Variants in MMP16 observed in about 807,000 individuals in gnomAD.
The protein encoded by MMP16 is matrix metallopeptidase 16.
Under a neutral mutation model 67.8 loss-of-function variants are expected in MMP16, and 12 were observed. The ratio of observed to expected loss-of-function variants is 0.18; its 90% CI spans 0.11 to 0.29. The LOEUF is 0.29. Ranked by LOEUF, MMP16 falls within the 10% of genes least tolerant of loss-of-function variation. The pLI, the probability that MMP16 is intolerant of heterozygous loss-of-function variation, is 1.00. For synonymous variants in MMP16, 249 were observed against 255.9 expected, an observed-to-expected ratio of 0.97 and a Z score of 0.26; for missense variants, 475 against 765.7, an observed-to-expected ratio of 0.62 and a Z score of 4.48.
At chr8:88,252,639 C>G (rs1177548796) in intron 1 of MMP16, among the ~76,000 whole-genome samples, 1 of 75,476 alleles carries the variant, frequency 1.3e-5, no homozygotes, top group Non-Finnish European at 2.8e-5. Context: ...GGTTTTCCAC[C>G]TCTTAGCAAA....
chr8:88,288,535 C>A (rs528497624), intron 1 of MMP16, among the ~76,000 whole-genome samples: 1 of 152,216 alleles, frequency 6.6e-6, no homozygotes, highest in South Asian at 2.1e-4. Context: ...TGCTAAACAT[C>A]AACTGACCAG....
chr8:88,183,361 T>C (rs11997592), intron 3 of MMP16, among the ~76,000 whole-genome samples: 143,382 of 152,236 alleles, frequency 0.94, 68,122 homozygotes, highest in East Asian at 1. Context: ...ACTATCCGCT[T>C]AATTTTTCTG....
At chr8:88,253,637 C>T (rs1033090579) in intron 1 of MMP16, among the ~76,000 whole-genome samples, 10 of 151,716 alleles carry the variant, frequency 6.6e-5, no homozygotes, top group African/African-American at 1.9e-4. Context: ...CATTATGTTG[C>T]TTTGTACCTC....
intron 4 of MMP16, 144 bp from the exon 5 acceptor site, chr8:88,119,005 C>T: frequency 2.5e-6 from 2 of 794,288 alleles, no homozygotes; most frequent in Non-Finnish European, 3.9e-6. Flanking sequence ...TCATCACTGG[C>T]TTTCCTACTG....
intron 4 of MMP16, among the ~76,000 whole-genome samples, chr8:88,153,607 C>A (rs1460900827): frequency 1.3e-5 from 2 of 151,432 alleles, no homozygotes; most frequent in Admixed American, 6.6e-5. Context: ...GAAAAACAAG[C>A]AATGGGGAAA....
intron 1 of MMP16, among the ~76,000 whole-genome samples, chr8:88,273,248 C>T (rs796592402): frequency 0.019 from 2,452 of 132,312 alleles, 76 homozygotes; most frequent in African/African-American, 0.064. Flanking sequence ...CCATGCCTGG[C>T]TTTTTTTTTT....
chr8:88,274,971 T>G (rs1331368809), intron 1 of MMP16, among the ~76,000 whole-genome samples: 1 of 148,968 alleles, frequency 6.7e-6, no homozygotes, highest in Non-Finnish European at 1.5e-5. Context: ...AAACTCACAT[T>G]CATGCATCAT....
chr8:88,083,151 T>C (rs1472991083), intron 6 of MMP16, among the ~76,000 whole-genome samples: 5 of 152,088 alleles, frequency 3.3e-5, no homozygotes, highest in African/African-American at 9.6e-5. Flanking sequence ...TGTTAATTAA[T>C]GTTACATTTG....
chr8:88,083,270 G>A (rs1431665994), intron 6 of MMP16, among the ~76,000 whole-genome samples: 1 of 151,558 alleles, frequency 6.6e-6, no homozygotes, highest in African/African-American at 2.4e-5. Context: ...TAATTTTGTT[G>A]GCTCAAAAGA....
chr8:88,244,952 A>G (rs1810090248), intron 1 of MMP16, among the ~76,000 whole-genome samples: 1 of 152,164 alleles, frequency 6.6e-6, no homozygotes, highest in Non-Finnish European at 1.5e-5. Flanking sequence ...CCAGTGAAAC[A>G]TCTCTCAGCA....
intron 3 of MMP16, among the ~76,000 whole-genome samples, chr8:88,175,748 T>A (rs1363967760): frequency 6.6e-6 from 1 of 152,204 alleles, no homozygotes; most frequent in Non-Finnish European, 1.5e-5. Flanking sequence ...GAATTGTAGT[T>A]CCCGTAATCC....
At chr8:88,123,991 C>T (rs949024285) in intron 4 of MMP16, among the ~76,000 whole-genome samples, 20 of 151,922 alleles carry the variant, frequency 1.3e-4, no homozygotes, top group Non-Finnish European at 4.4e-5. Flanking sequence ...TCTCTAAATG[C>T]TTTTCCCCAA....
intron 1 of MMP16, among the ~76,000 whole-genome samples, chr8:88,318,507 G>A (rs998205536): frequency 1.3e-5 from 2 of 152,124 alleles, no homozygotes; most frequent in South Asian, 2.1e-4. Context: ...AACGATGTTC[G>A]TAATGGAACT....
At chr8:88,043,020 T>C (rs961905717) in intron 9 of MMP16, among the ~76,000 whole-genome samples, 1 of 152,230 alleles carries the variant, frequency 6.6e-6, no homozygotes, top group South Asian at 2.1e-4. Flanking sequence ...TTTATAATCG[T>C]TAATGAAGGT....
At chr8:88,070,459 C>T (rs79771784) in intron 7 of MMP16, among the ~76,000 whole-genome samples, 1,806 of 152,218 alleles carry the variant, frequency 0.012, 19 homozygotes, top group Non-Finnish European at 0.018. Context: ...GGCACTGCTC[C>T]TTTTGTTCCC....
chr8:88,181,277 T>C (rs1000000891), intron 3 of MMP16, among the ~76,000 whole-genome samples: 1 of 152,000 alleles, frequency 6.6e-6, no homozygotes, highest in Non-Finnish European at 1.5e-5. Context: ...ATATCCTCTA[T>C]TTGAAAAGTA....
intron 4 of MMP16, among the ~76,000 whole-genome samples, chr8:88,141,727 G>A (rs543975865): frequency 2.6e-5 from 4 of 152,184 alleles, no homozygotes; most frequent in Non-Finnish European, 4.4e-5. Context: ...TTATTGTCAT[G>A]TTCAGGGTCA....
At chr8:88,204,485 C>G (rs1809394825) in intron 1 of MMP16, among the ~76,000 whole-genome samples, 1 of 151,584 alleles carries the variant, frequency 6.6e-6, no homozygotes, top group African/African-American at 2.4e-5. Flanking sequence ...AAGAGTCAGT[C>G]AAAGAACTCT....
chr8:88,282,167 C>T (rs905582574), intron 1 of MMP16, among the ~76,000 whole-genome samples: 10 of 151,698 alleles, frequency 6.6e-5, no homozygotes, highest in Admixed American at 2.0e-4. Flanking sequence ...CTCCGCCTCC[C>T]GGACTCAAGC....
Sources: gnomAD v4.1 joint callset for allele counts (sites outside exome capture counted in the v4.1 genomes callset) on GRCh38, gnomAD v4.1.1 for gene constraint, MANE v1.5 for transcripts, NCBI Gene and HGNC (gene_info 2026-07-23, HGNC 2026-07-21) for gene names.